The following LSM8 variants were observed in gnomAD, a reference collection of about 807,000 sequenced individuals.
LSM8 encodes LSM8 U6 small nuclear RNA associated.
LSM8 carries 14 observed loss-of-function variants against 15.0 expected under a neutral mutation model. The ratio of observed to expected loss-of-function variants is 0.93; its 90% CI spans 0.62 to 1.46. The LOEUF (loss-of-function observed/expected upper bound fraction) is 1.46. Ranked by LOEUF, LSM8 falls within the 40% of genes most tolerant of loss-of-function variation. LSM8 has a pLI of 0.00. For synonymous variants in LSM8, 50 were observed against 42.1 expected, an observed-to-expected ratio of 1.19 and a Z score of -0.73; for missense variants, 90 against 115.4, an observed-to-expected ratio of 0.78 and a Z score of 1.01.
rs1319498102 is a variant in LSM8, at chr7:118,196,789, G to C, written c.*4787G>C. 6.7e-6 allele frequency among the ~76,000 whole-genome samples: 1 copy of C among 149,508 alleles called. No homozygotes were observed. Among genetic ancestry groups the C allele is most frequent in the Non-Finnish European group, 1.5e-5 (1 of 67,594 alleles). On this transcript the variant is annotated 3_prime_UTR_variant, in exon 4 of 4. Coordinates refer to ENST00000249299, the MANE Select transcript of LSM8 (RefSeq NM_016200.5). ...TCTTTCGCCAGGCTGGAGTGCAGTG[G>C]TGCAATCTTGGCTCACTACAACCTC... is the stretch of plus-strand genomic sequence containing the variant.
intron 1 of LSM8, chr7:118,184,745 T>C (rs118163477): frequency 0.018 from 2,812 of 152,620 alleles, 42 homozygotes; most frequent in East Asian, 0.077. Context: ...TGAAAAAAAA[T>C]GGTTGCTGTT....
At position 118,203,745 on chromosome 7, in the gene LSM8, AAAAT is replaced by A. The variant is rs1373329927; in HGVS notation, c.*11748_*11751del. Reference sequence around the variant, plus strand: ...ATTCTATAGTAACAGTTTAGTTGAGAAAATAAATCATAATTTGTGATTTCAAACA... The same window carrying A: ...ATTCTATAGTAACAGTTTAGTTGAGAAAATCATAATTTGTGATTTCAAACA... On this transcript the variant is annotated 3_prime_UTR_variant, in exon 4 of 4. Coordinates refer to ENST00000249299, the MANE Select transcript of LSM8 (RefSeq NM_016200.5). 6.6e-6 allele frequency among the ~76,000 whole-genome samples: 1 copy of A among 151,862 alleles called. No homozygotes were observed. Among genetic ancestry groups the A allele is most frequent in the East Asian group, 1.9e-4 (1 of 5,194 alleles).
chr7:118,184,425 T>A, intron 1 of LSM8, 171 bp downstream of exon 1: 1 of 710,834 alleles, frequency 1.4e-6, no homozygotes, highest in Non-Finnish European at 2.1e-6. Context: ...GCCTTCCCGC[T>A]GCTGCGGGCC....
rs1469459084 is a variant in LSM8 at position 118,192,742 on chromosome 7, A to G, written c.*740A>G. 1 of 152,156 alleles carries G rather than the reference A, an allele frequency of 6.6e-6. No homozygotes were observed. Among genetic ancestry groups the G allele is most frequent in the Non-Finnish European group, 1.5e-5 (1 of 67,988 alleles). 9.4% of individuals were successfully genotyped at this position (152,156 alleles called of 1,614,324 possible). On this transcript the variant is annotated 3_prime_UTR_variant, in exon 4 of 4. Transcript: ENST00000249299. ...AAAAATTGATTCCATGTAGTCTTCA[A>G]TTTTTAATTTTTAAGAATTGGAGAA... is the stretch of plus-strand genomic sequence containing the variant.
In LSM8 at chr7:118,191,916, G is replaced by A. The variant is rs1808988975; in HGVS notation, c.205G>A (p.Val69Ile). ...LYIVRGDNVA[V>I]IGEIDEETDS... is the part of the protein sequence containing the mutation. ...TTTTAACTCTGACTTTTTTAGTGCA[G>A]TCATTGGAGAAATCGATGAAGAAAC... Residue 69 changes from valine to isoleucine, a missense_variant, in exon 4 of 4, where the codon GTC becomes ATC. By Grantham distance (29) the Val-to-Ile change is conservative. Coordinates refer to ENST00000249299, the MANE Select transcript of LSM8 (RefSeq NM_016200.5). 6.2e-6 allele frequency: 10 copies of A among 1,609,152 alleles called. No homozygotes were observed. The highest frequency in any genetic ancestry group is 7.6e-6 in the Non-Finnish European group (9 of 1,176,934).
In LSM8 at chr7:118,193,601, A is replaced by G. The variant is rs545810771; in HGVS notation, c.*1599A>G. ...TATTCATAAGTACTTGACTTGTAGTATAATGTTTTATAATCAATTTATTAA... is the reference window on the plus strand; with the variant it reads ...TATTCATAAGTACTTGACTTGTAGTGTAATGTTTTATAATCAATTTATTAA... On this transcript the variant is annotated 3_prime_UTR_variant, in exon 4 of 4. Transcript: ENST00000249299. 1.3e-5 allele frequency among the ~76,000 whole-genome samples: 2 copies of G among 152,208 alleles called. No homozygotes were observed. The highest frequency in any genetic ancestry group is 1.9e-4 in the East Asian group (1 of 5,180).
In LSM8 at chr7:118,193,512, A is replaced by G. The variant is rs1809022697; in HGVS notation, c.*1510A>G. Among the ~76,000 whole-genome samples the G allele has an allele frequency of 6.6e-6, 1 of 152,106 alleles. No homozygotes were observed. The highest frequency in any genetic ancestry group is 1.5e-5 in the Non-Finnish European group (1 of 67,970). On this transcript the variant is annotated 3_prime_UTR_variant, in exon 4 of 4. Coordinates refer to ENST00000249299, the MANE Select transcript of LSM8 (RefSeq NM_016200.5). ...TATAAGGGGAGAAGCACTATTCTCTAGAATTATTTGGTTGATGTTAAGGGC... is the reference window on the plus strand; with the variant it reads ...TATAAGGGGAGAAGCACTATTCTCTGGAATTATTTGGTTGATGTTAAGGGC...
rs988924282 is a variant in LSM8 at position 118,202,874 on chromosome 7, A to C, written c.*10872A>C. ...ATATAAAATGCAGAATATGAATTTT[A>C]ATAAATTCCCCAGGTGAGTCATATG... On this transcript the variant is annotated 3_prime_UTR_variant, in exon 4 of 4. Coordinates refer to ENST00000249299, the MANE Select transcript of LSM8 (RefSeq NM_016200.5). Among the ~76,000 whole-genome samples, 1 of 152,000 alleles carries C rather than the reference A, an allele frequency of 6.6e-6. No homozygotes were observed. Among genetic ancestry groups the C allele is most frequent in the Non-Finnish European group, 1.5e-5 (1 of 67,936 alleles).
chr7:118,186,518 T>C (rs575229121), intron 2 of LSM8, among the ~76,000 whole-genome samples: 17 of 152,354 alleles, frequency 1.1e-4, no homozygotes, highest in Non-Finnish European at 2.1e-4. Flanking sequence ...TAGTGACTAT[T>C]ATTAGTCAAA....
At chr7:118,186,167 C>T (rs62466466) in intron 2 of LSM8, among the ~76,000 whole-genome samples, 4 of 152,024 alleles carry the variant, frequency 2.6e-5, no homozygotes, top group Non-Finnish European at 5.9e-5. Context: ...GATTGACTCT[C>T]TATATATACA....
Position 118,184,271 on chromosome 7 carries a change from C to T in LSM8, c.31+17C>T. 6.8e-6 allele frequency: 10 copies of T among 1,479,036 alleles called. No individual in the cohort carries two copies. Among genetic ancestry groups the T allele is most frequent in the Non-Finnish European group, 9.0e-6 (10 of 1,105,146 alleles). The allele number at this position is 1,479,036 out of a possible 1,614,324, so 91.6% of individuals were successfully genotyped here. The stretch of plus-strand genomic sequence containing the variant: ...ACATCAACCGTATCCTCAAGCTGGC[C>T]GCCGCGGGCGTGAGCCGGGGTCGCG... On this transcript the variant is annotated intron_variant, in intron 1 of 3. Coordinates refer to ENST00000249299, the MANE Select transcript of LSM8 (RefSeq NM_016200.5).
intron 1 of LSM8, 149 bp downstream of exon 1, chr7:118,184,403 G>T: frequency 2.1e-6 from 2 of 969,492 alleles, no homozygotes; most frequent in Non-Finnish European, 2.8e-6. Flanking sequence ...GAGTTCGCCG[G>T]CGGCGCCTCG....
Position 118,185,604 on chromosome 7 carries a change from G to A in LSM8, c.32-50G>A. On this transcript the variant is annotated intron_variant, in intron 1 of 3. Coordinates refer to ENST00000249299, the MANE Select transcript of LSM8 (RefSeq NM_016200.5). ...TCAAATCATTCCCTTGCCAGAGTCTGTTTTCAATTTGCATTCCCTAAGAAA... is the reference window on the plus strand; with the variant it reads ...TCAAATCATTCCCTTGCCAGAGTCTATTTTCAATTTGCATTCCCTAAGAAA... 4 of 1,500,276 alleles carry A rather than the reference G, an allele frequency of 2.7e-6. No homozygotes were observed. The South Asian group carries it at 4.6e-5, about 17-fold the overall frequency. The allele number at this position is 1,500,276 out of a possible 1,614,324, so 92.9% of individuals were successfully genotyped here.
chr7:118,191,844 T>G (rs2115923836), intron 3 of LSM8, 68 bp from the exon 4 acceptor site: 7 of 1,196,812 alleles, frequency 5.8e-6, no homozygotes, highest in Middle Eastern at 2.2e-4. Context: ...TTGATTTGAT[T>G]AGTAAGATTT....
At position 118,201,787 on chromosome 7, in the gene LSM8, A is replaced by G. The variant is rs564016725; in HGVS notation, c.*9785A>G. On this transcript the variant is annotated 3_prime_UTR_variant, in exon 4 of 4. Transcript: ENST00000249299. ...ATGTATACATTTGTGGTAACACTTT[A>G]ACTTTTTCCCTGTAAGGCCATCTTT... Among the ~76,000 whole-genome samples the G allele has an allele frequency of 9.2e-5, 14 of 152,198 alleles. No homozygotes were observed. The highest frequency in any genetic ancestry group is 3.1e-4 in the African/African-American group (13 of 41,568).
At chr7:118,185,101 T>C (rs2116316646) in intron 1 of LSM8, 1 of 152,256 alleles carries the variant, frequency 6.6e-6, no homozygotes, top group African/African-American at 2.4e-5. Flanking sequence ...AAATAATAGA[T>C]TGGTAACCTT....
rs1809083878 is a variant in LSM8 at position 118,196,725 on chromosome 7, TTTATTTATTTATTTATTTA to T, written c.*4726_*4744del. 6.8e-6 allele frequency among the ~76,000 whole-genome samples: 1 copy of T among 147,796 alleles called. No individual in the cohort carries two copies. The highest frequency in any genetic ancestry group is 1.5e-5 in the Non-Finnish European group (1 of 66,940). ...TTTTATTTATTTATTTATTTATTTA[TTTATTTATTTATTTATTTA>T]TTTTTGAGACACTTCTTGCTCTTTC... On this transcript the variant is annotated 3_prime_UTR_variant, in exon 4 of 4. Coordinates refer to ENST00000249299, the MANE Select transcript of LSM8 (RefSeq NM_016200.5).
At position 118,200,784 on chromosome 7, in the gene LSM8, A is replaced by G. The variant is rs944102641; in HGVS notation, c.*8782A>G. On this transcript the variant is annotated 3_prime_UTR_variant, in exon 4 of 4. Coordinates refer to ENST00000249299, the MANE Select transcript of LSM8 (RefSeq NM_016200.5). ...TGTGACAGCATCTATTCCCAAGGCA[A>G]TCAACATTTTAATGGAACGAACTGA... Among the ~76,000 whole-genome samples the G allele has an allele frequency of 9.9e-5, 15 of 152,066 alleles. No homozygotes were observed. Among genetic ancestry groups the G allele is most frequent in the Non-Finnish European group, 1.3e-4 (9 of 67,982 alleles).
rs1422734918 is a variant in LSM8 at position 118,193,362 on chromosome 7, TGGA to T, written c.*1361_*1363del. Among the ~76,000 whole-genome samples, 4 of 152,132 alleles carry T rather than the reference TGGA, an allele frequency of 2.6e-5. No individual in the cohort carries two copies. The East Asian group carries it at 7.7e-4, about 29-fold the overall frequency. On this transcript the variant is annotated 3_prime_UTR_variant, in exon 4 of 4. Coordinates refer to ENST00000249299, the MANE Select transcript of LSM8 (RefSeq NM_016200.5). ...AAAAATGAACAATTTGTATAAATTC[TGGA>T]ATAGATCCTTATAGAGAGTTTAGAG... is the stretch of plus-strand genomic sequence containing the variant.
Sources: allele counts gnomAD v4.1 joint callset (sites outside exome capture counted in the v4.1 genomes callset), GRCh38; gene constraint gnomAD v4.1.1; transcripts MANE v1.5; gene names NCBI Gene and HGNC (gene_info 2026-07-23, HGNC 2026-07-21).